The following UGT3A1 variants were observed in gnomAD, a reference collection of about 807,000 sequenced individuals.
UGT3A1 encodes UDP-glycosyltransferase 3A1.
UGT3A1 carries 40 observed loss-of-function variants against 37.6 expected under a neutral mutation model. The observed-to-expected ratio is 1.06, with a 90% confidence interval of 0.83 to 1.38. The LOEUF is 1.38. Among genes scored for constraint, UGT3A1 ranks in the 40% most tolerant of loss-of-function variants. The pLI, the probability that UGT3A1 is intolerant of heterozygous loss-of-function variation, is 0.00. For synonymous variants in UGT3A1, 256 were observed against 232.3 expected (o/e 1.10, Z -0.93); for missense variants, 642 against 634.2 (o/e 1.01, Z -0.13).
At chr5:35,966,813 T>A (rs567301282) in intron 3 of UGT3A1, among the ~76,000 whole-genome samples, 1 of 152,306 alleles carries the variant, frequency 6.6e-6, no homozygotes, top group South Asian at 2.1e-4. Flanking sequence ...CATCATATCA[T>A]GTCACTTCAC....
At chr5:35,979,048 G>C (rs1024862617) in intron 2 of UGT3A1, among the ~76,000 whole-genome samples, 2 of 152,152 alleles carry the variant, frequency 1.3e-5, no homozygotes, top group African/African-American at 2.4e-5. Context: ...TCACACTGAT[G>C]CAAGAGGTAG....
intron 4 of UGT3A1, among the ~76,000 whole-genome samples, chr5:35,958,696 TCAAA>T (rs1164324355): frequency 6.6e-6 from 1 of 152,218 alleles, no homozygotes; most frequent in African/African-American, 2.4e-5. Context: ...AAAGCCACTT[TCAAA>T]CAGTATAAAT....
At position 35,957,316 on chromosome 5, in the gene UGT3A1, A is replaced by T; in HGVS notation, c.947T>A (p.Met316Lys). ...AGGGAGGTGGGCAAAGGCATTGTGCATCTTCTTGAGGACTTCCTGGGACTG... is the reference window on the plus strand; with the variant it reads ...AGGGAGGTGGGCAAAGGCATTGTGCTTCTTCTTGAGGACTTCCTGGGACTG... ...THQSQEVLKK[M>K]HNAFAHLPQG... Residue 316 changes from methionine to lysine, a missense_variant, in exon 5 of 7, where the codon ATG (methionine) becomes AAG (lysine). Met to Lys is a moderately conservative substitution (Grantham distance 95, BLOSUM62 -1). Transcript: ENST00000274278. 1 of 1,614,218 alleles carries T rather than the reference A, an allele frequency of 6.2e-7. No individual in the cohort carries two copies.
chr5:35,991,953 A>T (rs1740965056), upstream of UGT3A1, among the ~76,000 whole-genome samples: 2 of 152,238 alleles, frequency 1.3e-5, no homozygotes, highest in Admixed American at 6.5e-5. Flanking sequence ...AGAACTAGGG[A>T]TATTTTGATA....
chr5:35,990,204 A>C (rs943759505), intron 1 of UGT3A1, among the ~76,000 whole-genome samples: 2 of 152,120 alleles, frequency 1.3e-5, no homozygotes, highest in African/African-American at 4.8e-5. Flanking sequence ...ATGGGACATT[A>C]AGGAGGCCAC....
rs1739887485 is a variant in UGT3A1 at position 35,968,094 on chromosome 5, C to T, written c.236G>A (p.Trp79Ter). Residue 79 changes from tryptophan (W) to a stop codon, truncating the protein, a stop_gained, in exon 3 of 7, where the codon TGG becomes TAG. Transcript: ENST00000274278. LOFTEE classifies it high-confidence loss of function. ...EEEKSYQVIR[W>*]FSPEDHQKRI... ...TTTTTGATGATCTTCAGGTGAAAAC[C>T]ACCTGATAACTTGGTATGATTTTTC... The T allele has an allele frequency of 4.3e-6, 7 of 1,612,960 alleles. No homozygotes were observed. Among genetic ancestry groups the T allele is most frequent in the Non-Finnish European group, 5.9e-6 (7 of 1,179,668 alleles).
intron 2 of UGT3A1, among the ~76,000 whole-genome samples, chr5:35,977,064 A>G (rs952392324): frequency 5.6e-5 from 8 of 143,096 alleles, no homozygotes; most frequent in Admixed American, 1.4e-4. Flanking sequence ...GAAGAGAAAG[A>G]GAAAGAAAGA....
At chr5:35,996,516 C>A (rs1741099763) in intron 2 of UGT3A1, among the ~76,000 whole-genome samples, 1 of 152,182 alleles carries the variant, frequency 6.6e-6, no homozygotes, top group South Asian at 2.1e-4. Flanking sequence ...GAATCACCCC[C>A]TTGACCCAGG....
rs929023580 is a variant in UGT3A1 at position 35,954,096 on chromosome 5, T to A, written c.*106A>T. ...AGAAAGAAGCAAGTTGCAGGATCAGTGGCAGGTGGAGCTGAAGAGAGAACA... is the reference window on the plus strand; with the variant it reads ...AGAAAGAAGCAAGTTGCAGGATCAGAGGCAGGTGGAGCTGAAGAGAGAACA... On this transcript the variant is annotated 3_prime_UTR_variant, in exon 7 of 7. Coordinates refer to ENST00000274278, the MANE Select transcript of UGT3A1 (RefSeq NM_152404.4). 10 of 1,218,998 alleles carry A rather than the reference T, an allele frequency of 8.2e-6. No individual in the cohort carries two copies. In the East Asian group the frequency reaches 1.9e-4, roughly 23 times the overall value. 75.5% of individuals were successfully genotyped at this position (1,218,998 alleles called of 1,614,324 possible). A position where few individuals can be genotyped will look rare whatever the true frequency, so the allele number is the denominator to read the frequency against.
In UGT3A1 at chr5:35,991,305, C is replaced by T; in HGVS notation, c.-65G>A. 1 of 1,604,446 alleles carries T rather than the reference C, an allele frequency of 6.2e-7. No homozygotes were observed. The highest frequency in any genetic ancestry group is 1.7e-5 in the Admixed American group (1 of 59,258). On this transcript the variant is annotated 5_prime_UTR_variant, in exon 1 of 7. Coordinates refer to ENST00000274278, the MANE Select transcript of UGT3A1 (RefSeq NM_152404.4). ...CGCGCCCTGCGCCGGGCTAAGGACT[C>T]TGTGCGCGCCTCAGTACTCCAAAGG...
At chr5:35,978,490 G>A (rs1360197816) in intron 2 of UGT3A1, among the ~76,000 whole-genome samples, 2 of 152,174 alleles carry the variant, frequency 1.3e-5, no homozygotes, top group South Asian at 2.1e-4. Context: ...CAACAGGCAA[G>A]AGAGATAGAG....
At chr5:35,960,104 A>G (rs527322740) in intron 4 of UGT3A1, among the ~76,000 whole-genome samples, 1 of 152,360 alleles carries the variant, frequency 6.6e-6, no homozygotes, top group East Asian at 1.9e-4. Flanking sequence ...GATGTCAAAT[A>G]TGTACAATCC....
chr5:35,971,463 T>TACACACAC (rs76860183), intron 2 of UGT3A1, among the ~76,000 whole-genome samples: 215 of 147,892 alleles, frequency 1.5e-3, no homozygotes, highest in African/African-American at 5.1e-3. Context: ...GACACACGCA[T>TACACACAC]ACACACACAC....
chr5:35,989,916 C>G (rs1170259707), intron 1 of UGT3A1, among the ~76,000 whole-genome samples: 1 of 152,082 alleles, frequency 6.6e-6, no homozygotes, highest in African/African-American at 2.4e-5. Context: ...AACCCCGTCT[C>G]TACTAAAAGA....
At chr5:35,987,225 A>G (rs1740762899) in intron 2 of UGT3A1, among the ~76,000 whole-genome samples, 1 of 152,184 alleles carries the variant, frequency 6.6e-6, no homozygotes, top group South Asian at 2.1e-4. Flanking sequence ...TATCAAAAAC[A>G]ACCCAATCAA....
intron 4 of UGT3A1, 38 bp downstream of exon 4, chr5:35,965,348 T>C (rs1739754665): frequency 6.3e-7 from 1 of 1,597,634 alleles, no homozygotes; most frequent in Non-Finnish European, 8.5e-7. Flanking sequence ...CCAAGGACTC[T>C]ATGTGAATCC....
In UGT3A1 at chr5:35,974,703, G is replaced by A. The variant is rs73076155; in HGVS notation, c.197-6570C>T. ...TAGCACAATCCCTGATACCTGATAT[G>A]CAACTATTGATCTGGCAAATTTTTC... On this transcript the variant is annotated intron_variant, in intron 2 of 6. Transcript: ENST00000274278. Among the ~76,000 whole-genome samples the A allele has an allele frequency of 4.5e-3, 688 of 152,296 alleles. 9 individuals carry two copies. Among genetic ancestry groups the A allele is most frequent in the African/African-American group, 0.016 (651 of 41,578 alleles).
At chr5:35,995,870 A>G (rs1242286284), upstream of UGT3A1, among the ~76,000 whole-genome samples, 2 of 152,206 alleles carry the variant, frequency 1.3e-5, no homozygotes, top group African/African-American at 4.8e-5. Context: ...ATTGCTTTGA[A>G]AACAATAAAA....
chr5:35,978,784 A>G (rs1398618972), intron 2 of UGT3A1, among the ~76,000 whole-genome samples: 3 of 152,114 alleles, frequency 2.0e-5, no homozygotes, highest in African/African-American at 7.2e-5. Flanking sequence ...CATTAACTCA[A>G]AAGTCCACAG....
Sources: gnomAD v4.1 joint callset for allele counts (sites outside exome capture counted in the v4.1 genomes callset) on GRCh38, gnomAD v4.1.1 for gene constraint, MANE v1.5 for transcripts, NCBI Gene and HGNC (gene_info 2026-07-23, HGNC 2026-07-21) for gene names.